Variants in CNTN4 observed in about 807,000 individuals in gnomAD.
CNTN4 encodes contactin-4.
Under a neutral mutation model 122.5 loss-of-function variants are expected in CNTN4, and 77 were observed. The observed-to-expected ratio is 0.63, with a 90% CI of 0.52 to 0.76. The LOEUF (loss-of-function observed/expected upper bound fraction) is 0.76, where lower values mean the gene tolerates loss of function less well. Ranked by LOEUF, CNTN4 falls within the 30% of genes least tolerant of loss-of-function variation. The pLI, the probability that CNTN4 is intolerant of heterozygous loss-of-function variation, is 0.00. For synonymous variants in CNTN4, 512 were observed against 447.0 expected (o/e 1.15, Z -1.83); for missense variants, 1,256 against 1,259.1 (o/e 1.00, Z 0.04).
At chr3:2,518,866 T>C (rs1423444709) in intron 3 of CNTN4, among the ~76,000 whole-genome samples, 1 of 152,028 alleles carries the variant, frequency 6.6e-6, no homozygotes, top group Non-Finnish European at 1.5e-5. Flanking sequence ...ATCATACAGA[T>C]TTTTCACATT....
intron 6 of CNTN4, among the ~76,000 whole-genome samples, chr3:2,810,857 C>G (rs916714029): frequency 4.0e-5 from 6 of 151,702 alleles, no homozygotes; most frequent in African/African-American, 1.2e-4. Flanking sequence ...TTGGTATGAC[C>G]GAAGAGGGTG....
At chr3:2,919,336 A>C (rs1434903394) in intron 12 of CNTN4, among the ~76,000 whole-genome samples, 3 of 139,654 alleles carry the variant, frequency 2.1e-5, no homozygotes, top group Non-Finnish European at 4.6e-5. Flanking sequence ...TGGGTGACAG[A>C]GCAAGACTCT....
Position 2,587,264 on chromosome 3 carries a change from C to G in CNTN4, c.55+15706C>G, listed in dbSNP as rs1294273893. Among the ~76,000 whole-genome samples, 4 of 152,170 alleles carry G rather than the reference C, an allele frequency of 2.6e-5. No individual in the cohort carries two copies. In the South Asian group the frequency reaches 6.2e-4, roughly 24 times the overall value. ...AAAGAACAAACCAAACCAAATTAAACTCACATCTTTTCTGAGCAAAAGAGT... is the reference window on the plus strand; with the variant it reads ...AAAGAACAAACCAAACCAAATTAAAGTCACATCTTTTCTGAGCAAAAGAGT... On this transcript the variant is annotated intron_variant, in intron 4 of 24. Transcript: ENST00000418658.
At chr3:2,262,142 A>G (rs2040858189) in intron 2 of CNTN4, among the ~76,000 whole-genome samples, 1 of 152,044 alleles carries the variant, frequency 6.6e-6, no homozygotes, top group Non-Finnish European at 1.5e-5. Context: ...AACACTTTCC[A>G]TTTATGGAAA....
At position 2,689,877 on chromosome 3, in the gene CNTN4, A is replaced by G. The variant is rs536837534; in HGVS notation, c.56-46338A>G. ...AATTCTTACCGGTTCACTGTTTCAC[A>G]TATATTCTTTATGAAAACCCAGTCA... is the stretch of plus-strand genomic sequence containing the variant. On this transcript the variant is annotated intron_variant, in intron 4 of 24. Coordinates refer to ENST00000418658, the MANE Select transcript of CNTN4 (RefSeq NM_175607.3). 4.6e-5 allele frequency among the ~76,000 whole-genome samples: 7 copies of G among 152,188 alleles called. No homozygotes were observed. In the East Asian group the frequency reaches 9.7e-4, roughly 21 times the overall value.
chr3:2,413,567 G>C (rs79110821), intron 3 of CNTN4, among the ~76,000 whole-genome samples: 1 of 149,418 alleles, frequency 6.7e-6, no homozygotes, highest in East Asian at 2.0e-4. Context: ...TTTTTGAGAC[G>C]GAGTCTCCCT....
At chr3:2,707,495 C>G (rs1466564678) in intron 4 of CNTN4, among the ~76,000 whole-genome samples, 1 of 152,122 alleles carries the variant, frequency 6.6e-6, no homozygotes, top group Non-Finnish European at 1.5e-5. Flanking sequence ...ATAGCAGAGC[C>G]AGGTGTACAT....
intron 4 of CNTN4, among the ~76,000 whole-genome samples, chr3:2,707,029 G>A (rs1409983108): frequency 6.6e-6 from 1 of 152,088 alleles, no homozygotes; most frequent in East Asian, 1.9e-4. Context: ...GTCCCACAGA[G>A]TGGCTCATGC....
chr3:2,935,261 T>A (rs1038798399), intron 13 of CNTN4, among the ~76,000 whole-genome samples: 4 of 152,224 alleles, frequency 2.6e-5, no homozygotes, highest in Admixed American at 1.3e-4. Context: ...TGTGGTTATA[T>A]AACTCAAGAC....
At chr3:2,533,305 C>T (rs1050175443) in intron 3 of CNTN4, among the ~76,000 whole-genome samples, 12 of 151,788 alleles carry the variant, frequency 7.9e-5, no homozygotes, top group Non-Finnish European at 1.2e-4. Context: ...CACAACAGGC[C>T]CTGGTGTGTG....
At chr3:2,516,689 A>T (rs2077048413) in intron 3 of CNTN4, among the ~76,000 whole-genome samples, 1 of 152,050 alleles carries the variant, frequency 6.6e-6, no homozygotes, top group Admixed American at 6.6e-5. Context: ...GTTTTAAGGG[A>T]GGAATGGGGT....
intron 2 of CNTN4, among the ~76,000 whole-genome samples, chr3:2,244,212 T>TA (rs60311939): frequency 0.16 from 24,340 of 149,034 alleles, 2,333 homozygotes; most frequent in East Asian, 0.37. Flanking sequence ...CATACTGTAA[T>TA]AAAAAAAATC....
chr3:2,481,125 C>G (rs1331592446), intron 3 of CNTN4, among the ~76,000 whole-genome samples: 5 of 104,420 alleles, frequency 4.8e-5, no homozygotes, highest in African/African-American at 1.8e-4. Flanking sequence ...CTCTTTCTCC[C>G]TCTTTCTTTC....
intron 3 of CNTN4, among the ~76,000 whole-genome samples, chr3:2,524,491 G>T (rs1385955855): frequency 6.6e-6 from 1 of 152,072 alleles, no homozygotes. Context: ...GAGTGGAATT[G>T]ATGAGTCAGA....
intron 14 of CNTN4, among the ~76,000 whole-genome samples, chr3:2,993,435 T>C (rs1695230926): frequency 6.6e-6 from 1 of 151,488 alleles, no homozygotes; most frequent in African/African-American, 2.4e-5. Flanking sequence ...GTAGCTGGGA[T>C]TACAAGCAGA....
intron 4 of CNTN4, among the ~76,000 whole-genome samples, chr3:2,647,284 G>C (rs1374324370): frequency 6.6e-6 from 1 of 152,118 alleles, no homozygotes; most frequent in Non-Finnish European, 1.5e-5. Context: ...AGGAGGCTGA[G>C]GCAAGAGAAT....
chr3:2,675,444 C>T (rs536413650), intron 4 of CNTN4, among the ~76,000 whole-genome samples: 56 of 152,256 alleles, frequency 3.7e-4, no homozygotes, highest in African/African-American at 1.3e-3. Context: ...ATAGTTCCAC[C>T]CTCTCAGCCA....
intron 2 of CNTN4, among the ~76,000 whole-genome samples, chr3:2,187,712 C>A (rs1450403687): frequency 6.6e-6 from 1 of 152,072 alleles, no homozygotes; most frequent in Non-Finnish European, 1.5e-5. Context: ...TATGCAGGGC[C>A]CTTGCAAATA....
At chr3:2,895,962 G>A (rs576179516) in intron 10 of CNTN4, among the ~76,000 whole-genome samples, 175 of 152,244 alleles carry the variant, frequency 1.1e-3, no homozygotes, top group African/African-American at 3.9e-3. Context: ...GAACCCAGAA[G>A]GCAGAGTTTG....
Sources: gnomAD v4.1 joint callset for allele counts (sites outside exome capture counted in the v4.1 genomes callset) on GRCh38, gnomAD v4.1.1 for gene constraint, MANE v1.5 for transcripts, NCBI Gene and HGNC (gene_info 2026-07-23, HGNC 2026-07-21) for gene names.